TGFBR1: variants seen among roughly 807,000 people sequenced by gnomAD.
TGFBR1 encodes TGF-beta receptor type-1.
A neutral mutation model predicts 55.1 loss-of-function variants in TGFBR1; 20 were observed. The ratio of observed to expected loss-of-function variants is 0.36; its 90% confidence interval spans 0.26 to 0.53. The LOEUF (loss-of-function observed/expected upper bound fraction) is 0.53. Ranked by LOEUF, TGFBR1 falls within the 20% of genes least tolerant of loss-of-function variation. TGFBR1 has a pLI of 0.91. For missense variants in TGFBR1, 385 were observed against 617.6 expected (o/e 0.62, Z 3.99); for synonymous variants, 220 against 214.8 (o/e 1.02, Z -0.21).
Position 99,137,959 on chromosome 9 carries a change from G to A in TGFBR1, c.675G>A (p.Arg225=), listed in dbSNP as rs2118714045. The part of the protein sequence containing the change: ...RFGEVWRGKW[R]GEEVAVKIFS... ...GAGAAGTTTGGAGAGGAAAGTGGCGGGGAGAAGAAGTTGCTGTTAAGATAT... is the reference window on the plus strand; with the variant it reads ...GAGAAGTTTGGAGAGGAAAGTGGCGAGGAGAAGAAGTTGCTGTTAAGATAT... The change falls in exon 4 of 9, where the codon CGG becomes CGA. Residue 225 remains arginine (R), a synonymous_variant. Coordinates refer to ENST00000374994, the MANE Select transcript of TGFBR1 (RefSeq NM_004612.4). 6.2e-7 allele frequency: 1 copy of A among 1,614,040 alleles called. No homozygotes were observed. The highest frequency in any genetic ancestry group is 8.5e-7 in the Non-Finnish European group (1 of 1,179,972).
Position 99,137,901 on chromosome 9 carries a change from T to C in TGFBR1, c.617T>C (p.Val206Ala), listed in dbSNP as rs1827484742. ...CAGAGAACAATTGCGAGAACTATTG[T>C]GTTACAAGAAAGCATTGGCAAAGGT... The part of the protein sequence containing the change: ...LVQRTIARTI[V>A]LQESIGKGRF... The change falls in exon 4 of 9, where the codon GTG becomes GCG. Residue 206 changes from valine to alanine, a missense_variant. This residue lies in a region of TGFBR1 where 85 missense variants were observed against 228.4 expected (regional missense o/e 0.37). Coordinates refer to ENST00000374994, the MANE Select transcript of TGFBR1 (RefSeq NM_004612.4). 3.7e-6 allele frequency: 6 copies of C among 1,614,074 alleles called. No homozygotes were observed. In the South Asian group the frequency reaches 6.6e-5, roughly 18 times the overall value.
At chr9:99,124,702 T>G (rs1362211393) in intron 1 of TGFBR1, among the ~76,000 whole-genome samples, 1 of 152,140 alleles carries the variant, frequency 6.6e-6, no homozygotes, top group African/African-American at 2.4e-5. Flanking sequence ...AAGACTGACT[T>G]CAAGTGGTGA....
At position 99,151,101 on chromosome 9, in the gene TGFBR1, T is replaced by C. The variant is rs1827968429; in HGVS notation, c.*1796T>C. On this transcript the variant is annotated 3_prime_UTR_variant, in exon 9 of 9. Coordinates refer to ENST00000374994, the MANE Select transcript of TGFBR1 (RefSeq NM_004612.4). ...CATTCTGATAATGTCTTATCTCTTA[T>C]ACGTAGAATAAATTTGAAAGACTAT... 1 of 228,376 alleles carries C rather than the reference T, an allele frequency of 4.4e-6. No individual in the cohort carries two copies. 14.1% of individuals were successfully genotyped at this position (228,376 alleles called of 1,614,324 possible). A position where few individuals can be genotyped will look rare whatever the true frequency, so the allele number is the denominator to read the frequency against.
chr9:99,123,954 T>A (rs762067483), intron 1 of TGFBR1, among the ~76,000 whole-genome samples: 1 of 152,146 alleles, frequency 6.6e-6, no homozygotes, highest in Non-Finnish European at 1.5e-5. Flanking sequence ...ATGAAATAGG[T>A]CAGAGAGGTA....
chr9:99,142,933 C>T (rs1434661087), intron 5 of TGFBR1, among the ~76,000 whole-genome samples: 1 of 152,002 alleles, frequency 6.6e-6, no homozygotes, highest in African/African-American at 2.4e-5. Flanking sequence ...GTGGCATGCA[C>T]CTGTAGTCCC....
intron 1 of TGFBR1, among the ~76,000 whole-genome samples, chr9:99,116,939 AT>A (rs1349644010): frequency 6.6e-6 from 1 of 152,240 alleles, no homozygotes; most frequent in Non-Finnish European, 1.5e-5. Flanking sequence ...GATTAAAAAT[AT>A]TATAAAAATG....
At chr9:99,141,033 AT>A (rs947628593) in intron 4 of TGFBR1, among the ~76,000 whole-genome samples, 1 of 151,992 alleles carries the variant, frequency 6.6e-6, no homozygotes, top group African/African-American at 2.4e-5. Flanking sequence ...TCTTCTCCTG[AT>A]TTAGTTAATT....
At chr9:99,120,516 A>G (rs1020129229) in intron 1 of TGFBR1, among the ~76,000 whole-genome samples, 14 of 152,230 alleles carry the variant, frequency 9.2e-5, no homozygotes, top group African/African-American at 3.4e-4. Context: ...TTGTAATCAC[A>G]CTATACAGCT....
chr9:99,152,515 G>T lies in TGFBR1; in HGVS notation c.*3210G>T. ...TACAAAATGTAAGTGGTCACTTGGC[G>T]ATTTTGTAGTACATGCATGAGTTAC... is the stretch of plus-strand genomic sequence containing the variant. On this transcript the variant is annotated 3_prime_UTR_variant, in exon 9 of 9. Coordinates refer to ENST00000374994, the MANE Select transcript of TGFBR1 (RefSeq NM_004612.4). 1 of 230,818 alleles carries T rather than the reference G, an allele frequency of 4.3e-6. No homozygotes were observed. Among genetic ancestry groups the T allele is most frequent in the East Asian group, 6.1e-5 (1 of 16,310 alleles). The allele number at this position is 230,818 out of a possible 1,614,324, so 14.3% of individuals were successfully genotyped here.
rs568128974 is a variant in TGFBR1, at chr9:99,146,919, G to GA, written c.1255+312dup. ...ACAGCTGCTTGAGAGGCTCACCTAG[G>GA]AAGCTGTTTCTAGCATGTACCTGGG... On this transcript the variant is annotated intron_variant, in intron 7 of 8. Coordinates refer to ENST00000374994, the MANE Select transcript of TGFBR1 (RefSeq NM_004612.4). Among the ~76,000 whole-genome samples the GA allele has an allele frequency of 2.8e-3, 421 of 152,264 alleles. 1 individual carries two copies. Among genetic ancestry groups the GA allele is most frequent in the African/African-American group, 9.2e-3 (381 of 41,552 alleles).
chr9:99,104,192 T>C (rs555602035), upstream of TGFBR1: 4 of 152,290 alleles, frequency 2.6e-5, no homozygotes, highest in South Asian at 8.3e-4. Flanking sequence ...TCAGGATTAT[T>C]ATACAGCAGT....
At chr9:99,147,020 A>G (rs1425613005) in intron 7 of TGFBR1, among the ~76,000 whole-genome samples, 2 of 152,190 alleles carry the variant, frequency 1.3e-5, no homozygotes, top group East Asian at 3.8e-4. Context: ...TACACAGAAT[A>G]CAATTATGTT....
At chr9:99,145,093 C>T (rs1827750287) in intron 6 of TGFBR1, among the ~76,000 whole-genome samples, 1 of 152,136 alleles carries the variant, frequency 6.6e-6, no homozygotes, top group Admixed American at 6.5e-5. Context: ...GGTTGCCCTT[C>T]CAGAAAATAT....
intron 1 of TGFBR1, chr9:99,127,918 A>T: frequency 2.2e-6 from 1 of 456,014 alleles, no homozygotes; most frequent in Non-Finnish European, 4.4e-6. Context: ...TAGATGGCAG[A>T]TTGACAGAAA....
At chr9:99,105,879 G>A (rs1826398519) in intron 1 of TGFBR1, among the ~76,000 whole-genome samples, 1 of 152,230 alleles carries the variant, frequency 6.6e-6, no homozygotes, top group South Asian at 2.1e-4. Flanking sequence ...GAGACCCCTG[G>A]GTCCGCAGGC....
At chr9:99,147,918 A>G (rs1036198256) in intron 8 of TGFBR1, 134 bp downstream of exon 8, 14 of 1,076,014 alleles carry the variant, frequency 1.3e-5, no homozygotes, top group African/African-American at 1.1e-4. Context: ...CAATGTTTAA[A>G]AACAGAATAA....
At chr9:99,133,649 T>C (rs771575216) in intron 3 of TGFBR1, among the ~76,000 whole-genome samples, 1 of 152,188 alleles carries the variant, frequency 6.6e-6, no homozygotes, top group Non-Finnish European at 1.5e-5. Context: ...TGTTTCCTCA[T>C]CAAAAATATG....
chr9:99,132,166 A>G (rs535653861), intron 2 of TGFBR1, among the ~76,000 whole-genome samples: 1 of 152,034 alleles, frequency 6.6e-6, no homozygotes, highest in African/African-American at 2.4e-5. Flanking sequence ...ATTTTTAAGG[A>G]GATGTTAATA....
At chr9:99,147,818 T>TA (rs754711299) in intron 8 of TGFBR1, 34 bp downstream of exon 8, 1 of 1,612,914 alleles carries the variant, frequency 6.2e-7, no homozygotes, top group African/African-American at 1.3e-5. Flanking sequence ...GGCAATTTTC[T>TA]AAACTGCTTC....
Sources: allele counts gnomAD v4.1 joint callset (sites outside exome capture counted in the v4.1 genomes callset), GRCh38; gene constraint gnomAD v4.1.1; regional missense constraint gnomAD v4.1.1; transcripts MANE v1.5; gene names NCBI Gene and HGNC (gene_info 2026-07-23, HGNC 2026-07-21).